The following RYR1 variants were observed in gnomAD, a reference collection of about 807,000 sequenced individuals.
The protein encoded by RYR1 is ryanodine receptor 1, also known as central core disease of muscle.
Under a neutral mutation model 583.5 loss-of-function variants are expected in RYR1, and 342 were observed. That is an observed-to-expected ratio of 0.59 (90% CI 0.54 to 0.64). The LOEUF is 0.64. Ranked by LOEUF, RYR1 falls within the 30% of genes least tolerant of loss-of-function variation. The probability of loss-of-function intolerance (pLI) is 0.00; values close to 1 mark genes in which losing one functional copy is unlikely to be tolerated. For synonymous variants in RYR1, 2,791 were observed against 2,822.5 expected (o/e 0.99, Z 0.35); for missense variants, 6,032 against 6,917.2 (o/e 0.87, Z 4.54).
intron 16 of RYR1, 56 bp downstream of exon 16, chr19:38,455,807 C>T: frequency 9.3e-7 from 1 of 1,077,908 alleles, no homozygotes; most frequent in Non-Finnish European, 1.4e-6. Flanking sequence ...TGGCCTCTCC[C>T]CAGGGCTCCA....
chr19:38,562,519 C>T (rs1483091910), intron 90 of RYR1, among the ~76,000 whole-genome samples: 2 of 152,128 alleles, frequency 1.3e-5, no homozygotes, highest in Admixed American at 6.6e-5. Context: ...GAGGTTTGCG[C>T]ACCCGTCACC....
chr19:38,522,963 T>C, intron 67 of RYR1, 65 bp from the exon 68 acceptor site: 1 of 1,319,154 alleles, frequency 7.6e-7, no homozygotes, highest in Non-Finnish European at 1.1e-6. Context: ...CCAAGATCTC[T>C]CTCTGGGCAG....
At position 38,575,899 on chromosome 19, in the gene RYR1, T is replaced by TTC. The variant is rs750824483; in HGVS notation, c.14130-6_14130-5dup. ...GGCCCTAACATCTTATACTCACGCT[T>TTC]TCTCTCTCTCTCTCTGCAGGTCTTT... On this transcript the variant is annotated intron_variant, in intron 96 of 105. Transcript: ENST00000359596. 2.5e-5 allele frequency: 39 copies of TTC among 1,587,338 alleles called. No individual in the cohort carries two copies. The highest frequency in any genetic ancestry group is 1.1e-4 in the East Asian group (5 of 44,258).
chr19:38,454,787 G>A (rs1967274170), intron 13 of RYR1, among the ~76,000 whole-genome samples: 1 of 80,330 alleles, frequency 1.2e-5, no homozygotes. Context: ...ATATTAAAAT[G>A]TAAAAAAAAA....
rs773759107 is a variant in RYR1 at position 38,473,493 on chromosome 19, C to T, written c.3882C>T (p.Val1294=). Residue 1294 remains valine (V), a synonymous_variant, in exon 28 of 106, where the codon GTC becomes GTT. Coordinates refer to ENST00000359596, the MANE Select transcript of RYR1 (RefSeq NM_000540.3). ...EMLFLRLSLP[V]QFHQHFRCTA... is the part of the protein sequence containing the mutation. ...TTTTCCTGCGGCTGAGCCTCCCAGT[C>T]CAGTTCCACCAGCACTTCCGCTGCA... 28 of 1,613,752 alleles carry T rather than the reference C, an allele frequency of 1.7e-5. No individual in the cohort carries two copies. The South Asian group carries it at 2.5e-4, about 15-fold the overall frequency.
At position 38,477,832 on chromosome 19, in the gene RYR1, G is replaced by C; in HGVS notation, c.4416G>C (p.Thr1472=). 1.2e-6 allele frequency: 2 copies of C among 1,613,832 alleles called. No homozygotes were observed. The highest frequency in any genetic ancestry group is 1.7e-6 in the Non-Finnish European group (2 of 1,179,932). Reference sequence around the variant, plus strand: ...ACCTCAGCAAGGTCCGGGTCGTGACGGTGACCATGGGGGATGAACAAGGCA... The same window carrying C: ...ACCTCAGCAAGGTCCGGGTCGTGACCGTGACCATGGGGGATGAACAAGGCA... ...SFDLSKVRVV[T]VTMGDEQGNV... Residue 1472 remains threonine (T), a synonymous_variant, in exon 30 of 106, where the codon ACG becomes ACC. Coordinates refer to ENST00000359596, the MANE Select transcript of RYR1 (RefSeq NM_000540.3).
chr19:38,473,431 C>T lies in RYR1; in HGVS notation c.3820C>T (p.Arg1274Cys), dbSNP rs1425575552. 1.2e-6 allele frequency: 2 copies of T among 1,613,966 alleles called. No homozygotes were observed. Among genetic ancestry groups the T allele is most frequent in the South Asian group, 1.1e-5 (1 of 91,086 alleles). The change falls in exon 28 of 106, where the codon CGC becomes TGC. Residue 1274 changes from arginine to cysteine, a missense_variant. Physicochemically the swap from Arg to Cys is radical, Grantham distance 180. Transcript: ENST00000359596. ...GCCCCCCTGCCTGCGCCTGACCCAC[C>T]GCACCTGGGGCTCCCAGAACAGCCT... ...DTPPCLRLTH[R>C]TWGSQNSLVE...
At chr19:38,526,396 C>T (rs1202281594) in intron 71 of RYR1, among the ~76,000 whole-genome samples, 1 of 151,690 alleles carries the variant, frequency 6.6e-6, no homozygotes, top group African/African-American at 2.4e-5. Flanking sequence ...CCCCTAAAGA[C>T]CACCGACTTC....
At chr19:38,533,224 A>G (rs1971820801) in intron 78 of RYR1, among the ~76,000 whole-genome samples, 1 of 152,216 alleles carries the variant, frequency 6.6e-6, no homozygotes. Flanking sequence ...GGAGAATAGT[A>G]TATGCCAAGG....
intron 89 of RYR1, among the ~76,000 whole-genome samples, chr19:38,551,577 C>A (rs1972668376): frequency 6.6e-6 from 1 of 152,150 alleles, no homozygotes; most frequent in Non-Finnish European, 1.5e-5. Context: ...CCTCCCACTC[C>A]TTCCCTGATT....
chr19:38,455,803 C>A, intron 16 of RYR1, 52 bp downstream of exon 16: 1 of 1,099,076 alleles, frequency 9.1e-7, no homozygotes, highest in East Asian at 2.3e-5. Context: ...ATGCTGGCCT[C>A]TCCCCAGGGC....
At position 38,499,709 on chromosome 19, in the gene RYR1, C is replaced by G. The variant is rs139498212; in HGVS notation, c.7102C>G (p.Leu2368Val). Reference protein sequence around the residue: ...IRKPECFGPALRGEGGSGLLA... With the variant: ...IRKPECFGPAVRGEGGSGLLA... ...GAAGCCTGAGTGCTTCGGACCCGCC[C>G]TGCGGGGTGAGGGTGGCTCAGGGCT... The change falls in exon 44 of 106, where the codon CTG becomes GTG. Residue 2368 changes from leucine to valine, a missense_variant. This residue lies in a region of RYR1 where 2,627 missense variants were observed against 2,961.3 expected (regional missense o/e 0.89). Transcript: ENST00000359596. The surrounding 1 kb of genome is among the most constrained non-coding windows in gnomAD (Gnocchi z 7.3). 2.9e-5 allele frequency: 46 copies of G among 1,601,518 alleles called. No homozygotes were observed. The African/African-American group carries it at 5.5e-4, about 19-fold the overall frequency.
At chr19:38,474,952 G>A (rs951336363) in intron 28 of RYR1, among the ~76,000 whole-genome samples, 1 of 152,102 alleles carries the variant, frequency 6.6e-6, no homozygotes, top group Admixed American at 6.6e-5. Context: ...CCAGGGTTCC[G>A]CCTGCCTTGC....
Position 38,565,530 on chromosome 19 carries a change from C to G in RYR1, c.13196C>G (p.Pro4399Arg), listed in dbSNP as rs1196338124. 2 of 1,502,730 alleles carry G rather than the reference C, an allele frequency of 1.3e-6. No homozygotes were observed. The highest frequency in any genetic ancestry group is 2.7e-5 in the East Asian group (1 of 36,720). The allele number at this position is 1,502,730 out of a possible 1,614,324, so 93.1% of individuals were successfully genotyped here. The change falls in exon 91 of 106, where the codon CCG becomes CGG. Residue 4399 changes from proline to arginine, a missense_variant. Coordinates refer to ENST00000359596, the MANE Select transcript of RYR1 (RefSeq NM_000540.3). The surrounding 1 kb of genome is among the most constrained non-coding windows in gnomAD (Gnocchi z 4.7). ...DEVHGEQPAG[P>R]GGDADGEGAS... ...GTGCACGGCGAGCAGCCGGCCGGGC[C>G]GGGCGGAGACGCAGACGGCGAGGGT... is the stretch of plus-strand genomic sequence containing the variant.
At chr19:38,562,527 A>G (rs1409937247) in intron 90 of RYR1, among the ~76,000 whole-genome samples, 2 of 151,572 alleles carry the variant, frequency 1.3e-5, no homozygotes, top group Non-Finnish European at 2.9e-5. Flanking sequence ...CGCACCCGTC[A>G]CCTCCTTCAT....
chr19:38,489,993 G>A, intron 35 of RYR1, 83 bp from the exon 36 acceptor site: 4 of 1,421,366 alleles, frequency 2.8e-6, no homozygotes, highest in Non-Finnish European at 3.9e-6. Context: ...GCCATGGAGA[G>A]GGGAGAGGAA....
chr19:38,500,429 G>T lies in RYR1; in HGVS notation c.7324-177G>T, dbSNP rs1292650288. Among the ~76,000 whole-genome samples, 1 of 148,408 alleles carries T rather than the reference G, an allele frequency of 6.7e-6. No individual in the cohort carries two copies. The highest frequency in any genetic ancestry group is 1.5e-5 in the Non-Finnish European group (1 of 66,932). On this transcript the variant is annotated intron_variant, in intron 45 of 105. Transcript: ENST00000359596. The surrounding 1 kb of genome is among the most constrained non-coding windows in gnomAD (Gnocchi z 5.9). ...GATGAGGTTGGGGGGAACAAGGAGA[G>T]AGGTCGGGACTGGGGTGGGGGGGCA...
Position 38,489,293 on chromosome 19 carries a change from T to G in RYR1, c.5664T>G (p.Asp1888Glu), listed in dbSNP as rs1969443931. The G allele has an allele frequency of 6.2e-7, 1 of 1,601,472 alleles. No homozygotes were observed. The stretch of plus-strand genomic sequence containing the variant: ...AGGAGGAAGAGGGTGAAGAGGAAGA[T>G]GAGGAGGAGAAGGAGGAGGATGAGG... ...EDEEEEGEEE[D>E]EEEKEEDEEE... The change falls in exon 35 of 106, where the codon GAT (aspartate) becomes GAG (glutamate). Residue 1888 changes from aspartate (D) to glutamate (E), a missense_variant. Around this residue, in one of 11 missense-constraint regions of RYR1, gnomAD observed 2,627 missense variants for 2,961.3 expected, o/e 0.89. Coordinates refer to ENST00000359596, the MANE Select transcript of RYR1 (RefSeq NM_000540.3).
intron 96 of RYR1, among the ~76,000 whole-genome samples, chr19:38,573,576 A>G (rs1217973304): frequency 6.6e-6 from 1 of 151,974 alleles, no homozygotes; most frequent in South Asian, 2.1e-4. Flanking sequence ...GCTACTGGGA[A>G]GGCTGAATCA....
Sources: allele counts gnomAD v4.1 joint callset (sites outside exome capture counted in the v4.1 genomes callset), GRCh38; gene constraint gnomAD v4.1.1; regional missense constraint gnomAD v4.1.1; non-coding constraint Gnocchi (gnomAD v3.1); transcripts MANE v1.5; gene names NCBI Gene and HGNC (gene_info 2026-07-23, HGNC 2026-07-21).